The following BANK1 variants were observed in gnomAD, a reference collection of about 807,000 sequenced individuals.
BANK1 encodes B-cell scaffold protein with ankyrin repeats.
Under a neutral mutation model 94.5 loss-of-function variants are expected in BANK1, and 95 were observed. That is an observed-to-expected ratio of 1.00 (90% CI 0.85 to 1.19). The LOEUF (loss-of-function observed/expected upper bound fraction) is 1.19. Among genes scored for constraint, BANK1 ranks in the 50% most tolerant of loss-of-function variants. BANK1 has a pLI of 0.00. For synonymous variants in BANK1, 334 were observed against 308.4 expected (o/e 1.08, Z -0.87); for missense variants, 987 against 932.2 (o/e 1.06, Z -0.77).
rs895230542 is a variant in BANK1, at chr4:101,870,532, A to G, written c.791A>G (p.Asn264Ser). The G allele has an allele frequency of 2.5e-6, 4 of 1,612,528 alleles. No individual in the cohort carries two copies. The highest frequency in any genetic ancestry group is 1.3e-5 in the African/African-American group (1 of 74,962). The change falls in exon 5 of 17, where the codon AAT becomes AGT. Residue 264 changes from asparagine (N) to serine (S), a missense_variant. Transcript: ENST00000322953. Reference protein sequence around the residue: ...LEFPAGSVHVNVYCDGIVKAT... With the variant: ...LEFPAGSVHVSVYCDGIVKAT... The stretch of plus-strand genomic sequence containing the variant: ...TTTCCTGCTGGTTCAGTCCATGTCA[A>G]TGTCTACTGTGATGGAATCGTTAAA...
chr4:101,964,300 T>C (rs1160353810), intron 7 of BANK1, among the ~76,000 whole-genome samples: 2 of 152,062 alleles, frequency 1.3e-5, no homozygotes, highest in African/African-American at 4.8e-5. Flanking sequence ...TCTTATGTGC[T>C]TATAAAACAT....
At chr4:101,841,467 G>T (rs942507955) in intron 2 of BANK1, among the ~76,000 whole-genome samples, 1 of 152,164 alleles carries the variant, frequency 6.6e-6, no homozygotes, top group East Asian at 1.9e-4. Flanking sequence ...GATAGGCCAA[G>T]ATTTCATATG....
intron 1 of BANK1, among the ~76,000 whole-genome samples, chr4:101,801,119 C>A (rs186890375): frequency 6.6e-6 from 1 of 152,154 alleles, no homozygotes; most frequent in Non-Finnish European, 1.5e-5. Context: ...ACACTGTACC[C>A]TCTAGACATG....
intron 5 of BANK1, among the ~76,000 whole-genome samples, chr4:101,874,035 A>G (rs1728398000): frequency 6.6e-6 from 1 of 152,196 alleles, no homozygotes; most frequent in African/African-American, 2.4e-5. Context: ...TTGAAATGAC[A>G]CCAAATAATT....
intron 6 of BANK1, among the ~76,000 whole-genome samples, chr4:101,904,681 T>G (rs1722389279): frequency 6.6e-6 from 1 of 152,218 alleles, no homozygotes; most frequent in African/African-American, 2.4e-5. Flanking sequence ...AATTAGAACT[T>G]GTGTTCCCAT....
intron 7 of BANK1, among the ~76,000 whole-genome samples, chr4:101,981,544 T>C (rs192404537): frequency 8.5e-5 from 13 of 152,264 alleles, no homozygotes; most frequent in African/African-American, 2.9e-4. Context: ...TCTGAAATCA[T>C]TGATGATTTT....
intron 7 of BANK1, among the ~76,000 whole-genome samples, chr4:101,966,755 C>T (rs1293935230): frequency 6.6e-6 from 1 of 151,916 alleles, no homozygotes; most frequent in Non-Finnish European, 1.5e-5. Flanking sequence ...TACCATTGGC[C>T]AGGATGAGAG....
chr4:101,825,312 A>G (rs1179380907), intron 1 of BANK1, among the ~76,000 whole-genome samples: 1 of 152,160 alleles, frequency 6.6e-6, no homozygotes, highest in African/African-American at 2.4e-5. Flanking sequence ...TTTAATTCAA[A>G]TGTATAAAAT....
chr4:102,010,037 T>G (rs532772355), intron 7 of BANK1, among the ~76,000 whole-genome samples: 2 of 152,248 alleles, frequency 1.3e-5, no homozygotes, highest in African/African-American at 4.8e-5. Flanking sequence ...GAGGCTAAGG[T>G]GGGCAGATCA....
chr4:101,796,924 A>G (rs1341708393), intron 1 of BANK1, among the ~76,000 whole-genome samples: 1 of 152,184 alleles, frequency 6.6e-6, no homozygotes, highest in African/African-American at 2.4e-5. Context: ...ATATAAAACT[A>G]GGGATTATCT....
At chr4:101,792,462 T>C (rs1286333682) in intron 1 of BANK1, among the ~76,000 whole-genome samples, 1 of 99,030 alleles carries the variant, frequency 1.0e-5, no homozygotes, top group Non-Finnish European at 2.4e-5. Context: ...TGTGTGTGTG[T>C]GTGTGTGTTT....
rs539854390 is a variant in BANK1 at position 102,072,224 on chromosome 4, A to G, written c.2243-121A>G. The G allele has an allele frequency of 8.6e-6, 7 of 810,520 alleles. No homozygotes were observed. The African/African-American group carries it at 8.7e-5, about 10-fold the overall frequency. 50.2% of individuals were successfully genotyped at this position (810,520 alleles called of 1,614,324 possible). A position where few individuals can be genotyped will look rare whatever the true frequency, so the allele number is the denominator to read the frequency against. On this transcript the variant is annotated intron_variant, in intron 14 of 16. Transcript: ENST00000322953. ...TTCGGTATCCCCCTTTTATCTTCCT[A>G]ATAATTTTTCTTTTCACCCATATCT...
At chr4:101,951,061 C>T (rs1221873154) in intron 7 of BANK1, among the ~76,000 whole-genome samples, 1 of 151,970 alleles carries the variant, frequency 6.6e-6, no homozygotes, top group Admixed American at 6.6e-5. Context: ...CAGAAAAAGG[C>T]CATTAGGTAA....
chr4:101,933,853 T>C (rs1323542917), intron 7 of BANK1, among the ~76,000 whole-genome samples: 2 of 151,496 alleles, frequency 1.3e-5, no homozygotes, highest in Non-Finnish European at 3.0e-5. Context: ...TAACTGTGTA[T>C]AGTTTTATAA....
chr4:101,830,245 T>A (rs199585646), intron 2 of BANK1, 39 bp downstream of exon 2: 1 of 128,384 alleles, frequency 7.8e-6, no homozygotes, highest in African/African-American at 2.3e-4. Flanking sequence ...TTTTTATTTG[T>A]TTTTTTTTTT....
chr4:101,957,301 T>TA (rs1435741229), intron 7 of BANK1, among the ~76,000 whole-genome samples: 1 of 152,206 alleles, frequency 6.6e-6, no homozygotes, highest in East Asian at 1.9e-4. Context: ...CTGGGAATAT[T>TA]ACTACTTAGC....
At chr4:101,944,062 GAGAC>G (rs997629296) in intron 7 of BANK1, among the ~76,000 whole-genome samples, 21 of 151,480 alleles carry the variant, frequency 1.4e-4, no homozygotes, top group African/African-American at 3.1e-4. Flanking sequence ...GAGAGAGAGA[GAGAC>G]AGACAGACAG....
Position 101,793,830 on chromosome 4 carries a change from A to G in BANK1, c.70+2880A>G, listed in dbSNP as rs528730388. ...TTATAACAAATAGTAACTGCTTTATACATGCTAGTTGTTATATTAATTCTT... is the reference window on the plus strand; with the variant it reads ...TTATAACAAATAGTAACTGCTTTATGCATGCTAGTTGTTATATTAATTCTT... On this transcript the variant is annotated intron_variant, in intron 1 of 16. Coordinates refer to ENST00000322953, the MANE Select transcript of BANK1 (RefSeq NM_017935.5). 1.1e-4 allele frequency among the ~76,000 whole-genome samples: 16 copies of G among 152,312 alleles called. 1 individual carries two copies. The East Asian group carries it at 2.1e-3, about 20-fold the overall frequency.
At chr4:102,066,113 G>T (rs1728582558) in intron 13 of BANK1, among the ~76,000 whole-genome samples, 2 of 151,896 alleles carry the variant, frequency 1.3e-5, no homozygotes, top group South Asian at 4.2e-4. Flanking sequence ...GGACTTCTAG[G>T]CAATTTATTT....
Sources: gnomAD v4.1 joint callset for allele counts (sites outside exome capture counted in the v4.1 genomes callset) on GRCh38, gnomAD v4.1.1 for gene constraint, MANE v1.5 for transcripts, NCBI Gene and HGNC (gene_info 2026-07-23, HGNC 2026-07-21) for gene names.